Variants in TEK observed in about 807,000 individuals in gnomAD.
TEK encodes the protein TEK receptor tyrosine kinase, also known as angiopoietin-1 receptor.
In TEK, 43 loss-of-function variants were observed where a neutral mutation model predicts 131.8. The ratio of observed to expected loss-of-function variants is 0.33; its 90% CI spans 0.26 to 0.42. The LOEUF (loss-of-function observed/expected upper bound fraction) is 0.42. Among genes scored for constraint, TEK ranks in the 10% least tolerant of loss-of-function variants. The pLI, the probability that TEK is intolerant of heterozygous loss-of-function variation, is 1.00. For synonymous variants in TEK, 580 were observed against 491.6 expected (o/e 1.18, Z -2.38); for missense variants, 1,162 against 1,384.4 (o/e 0.84, Z 2.55).
chr9:27,173,476 C>A, intron 6 of TEK, 114 bp downstream of exon 6: 6 of 1,290,994 alleles, frequency 4.6e-6, no homozygotes, highest in Middle Eastern at 5.1e-4. Context: ...CTACCCACTA[C>A]TGGACAACAG....
chr9:27,227,483 G>A (rs950918791), intron 21 of TEK, among the ~76,000 whole-genome samples: 6 of 152,316 alleles, frequency 3.9e-5, no homozygotes, highest in Admixed American at 2.0e-4. Context: ...ATAAACAACA[G>A]AGATGTATTT....
intron 1 of TEK, among the ~76,000 whole-genome samples, chr9:27,115,069 G>A (rs921644043): frequency 1.1e-4 from 16 of 152,168 alleles, no homozygotes; most frequent in African/African-American, 3.9e-4. Context: ...ATAGGCGGAT[G>A]AATTGTAAAA....
At position 27,229,518 on chromosome 9, in the gene TEK, G is replaced by T; in HGVS notation, c.*286G>T. On this transcript the variant is annotated 3_prime_UTR_variant, in exon 23 of 23. Coordinates refer to ENST00000380036, the MANE Select transcript of TEK (RefSeq NM_000459.5). Reference sequence around the variant, plus strand: ...TTAAAAATGTGGACTTCATAGGAAGGCGTGAGTACAATTAGTATAATGCAT... The same window carrying T: ...TTAAAAATGTGGACTTCATAGGAAGTCGTGAGTACAATTAGTATAATGCAT... 2.2e-6 allele frequency: 1 copy of T among 451,344 alleles called. No individual in the cohort carries two copies. Among genetic ancestry groups the T allele is most frequent in the Non-Finnish European group, 4.1e-6 (1 of 245,762 alleles). 28.0% of individuals were successfully genotyped at this position (451,344 alleles called of 1,614,324 possible). A position where few individuals can be genotyped will look rare whatever the true frequency, so the allele number is the denominator to read the frequency against.
intron 1 of TEK, among the ~76,000 whole-genome samples, chr9:27,145,866 G>T (rs1822898574): frequency 6.6e-6 from 1 of 152,190 alleles, no homozygotes; most frequent in Admixed American, 6.5e-5. Context: ...TTAGTTGTGT[G>T]TGCCTTCCTA....
chr9:27,137,437 G>T (rs1477983835), intron 1 of TEK, among the ~76,000 whole-genome samples: 3 of 142,670 alleles, frequency 2.1e-5, no homozygotes, highest in Non-Finnish European at 4.6e-5. Context: ...TTTTAGGTTA[G>T]CTAACAGAAT....
In TEK at chr9:27,209,233, T is replaced by A; in HGVS notation, c.2686+2T>A. On this transcript the variant is annotated splice_donor_variant, in intron 16 of 22. Coordinates refer to ENST00000380036, the MANE Select transcript of TEK (RefSeq NM_000459.5). LOFTEE classifies it high-confidence loss of function. ...TCTTAGGAGCATGTGAACATCGAGG[T>A]AAGATGCTCTTTTCCTGTCTTTCCT... The A allele has an allele frequency of 6.3e-7, 1 of 1,598,644 alleles. No homozygotes were observed.
intron 1 of TEK, among the ~76,000 whole-genome samples, chr9:27,140,650 A>G (rs906347484): frequency 2.6e-5 from 4 of 152,028 alleles, no homozygotes; most frequent in African/African-American, 4.8e-5. Context: ...AAAGATATAC[A>G]TATCTTTATA....
At chr9:27,182,109 G>A (rs1419044233) in intron 7 of TEK, among the ~76,000 whole-genome samples, 1 of 152,178 alleles carries the variant, frequency 6.6e-6, no homozygotes, top group African/African-American at 2.4e-5. Flanking sequence ...TTGAACGTGG[G>A]CAGCTAACAA....
intron 7 of TEK, among the ~76,000 whole-genome samples, chr9:27,181,155 T>C (rs1334060796): frequency 2.0e-5 from 3 of 152,198 alleles, no homozygotes; most frequent in Admixed American, 2.0e-4. Context: ...CATATAATTT[T>C]TGACTCTCCA....
At chr9:27,225,496 T>C (rs1826282634) in intron 21 of TEK, among the ~76,000 whole-genome samples, 1 of 152,182 alleles carries the variant, frequency 6.6e-6, no homozygotes, top group African/African-American at 2.4e-5. Flanking sequence ...GGGAAAGGAT[T>C]CCCTATTTAA....
intron 1 of TEK, among the ~76,000 whole-genome samples, chr9:27,156,208 T>C (rs370419852): frequency 6.6e-6 from 1 of 152,260 alleles, no homozygotes; most frequent in East Asian, 1.9e-4. Flanking sequence ...ATCCATCCCA[T>C]TCATCCATAC....
At position 27,191,296 on chromosome 9, in the gene TEK, A is replaced by T. The variant is rs1331741387; in HGVS notation, c.1489+606A>T. ...CTCCCCTAACTTCCTGAAAGAAAAA[A>T]ATAATTGAACAAAATGTGACAAAAT... On this transcript the variant is annotated intron_variant, in intron 10 of 22. Transcript: ENST00000380036. Among the ~76,000 whole-genome samples, 3 of 152,184 alleles carry T rather than the reference A, an allele frequency of 2.0e-5. No individual in the cohort carries two copies. In the East Asian group the frequency reaches 5.8e-4, roughly 29 times the overall value.
At chr9:27,144,683 C>T (rs17756685) in intron 1 of TEK, among the ~76,000 whole-genome samples, 18,944 of 152,078 alleles carry the variant, frequency 0.12, 1,498 homozygotes, top group Middle Eastern at 0.26. Flanking sequence ...AGAAATAATT[C>T]ACATATGGCC....
intron 9 of TEK, 82 bp downstream of exon 9, chr9:27,185,711 C>T (rs1587567552): frequency 1.3e-5 from 21 of 1,556,920 alleles, no homozygotes; most frequent in East Asian, 4.6e-5. Context: ...GAAATGTATG[C>T]GACCACTAAA....
chr9:27,202,797 T>A (rs765002934), intron 12 of TEK, 23 bp from the exon 13 acceptor site: 1 of 1,610,486 alleles, frequency 6.2e-7, no homozygotes, highest in African/African-American at 1.3e-5. Flanking sequence ...CTTAAGTGAA[T>A]CTTTTTTCTT....
At chr9:27,159,837 C>A (rs1587533619) in intron 2 of TEK, among the ~76,000 whole-genome samples, 1 of 152,004 alleles carries the variant, frequency 6.6e-6, no homozygotes, top group Non-Finnish European at 1.5e-5. Context: ...GCTAAGGTGA[C>A]CTCTCTTTGT....
intron 7 of TEK, among the ~76,000 whole-genome samples, chr9:27,181,933 C>G (rs776052375): frequency 6.6e-6 from 1 of 151,910 alleles, no homozygotes; most frequent in Non-Finnish European, 1.5e-5. Context: ...TTTTGGAAAT[C>G]AGAACAAATA....
intron 1 of TEK, among the ~76,000 whole-genome samples, chr9:27,136,247 G>A (rs6475964): frequency 0.29 from 44,604 of 151,646 alleles, 7,496 homozygotes; most frequent in African/African-American, 0.45. Context: ...ACGCCCAGCT[G>A]ATGTTTGTAT....
At chr9:27,115,360 A>G (rs374944025) in intron 1 of TEK, among the ~76,000 whole-genome samples, 1 of 152,028 alleles carries the variant, frequency 6.6e-6, no homozygotes. Flanking sequence ...TTAGCCTGGC[A>G]TGGTGGCACG....
Sources: gnomAD v4.1 joint callset for allele counts (sites outside exome capture counted in the v4.1 genomes callset) on GRCh38, gnomAD v4.1.1 for gene constraint, MANE v1.5 for transcripts, NCBI Gene and HGNC (gene_info 2026-07-23, HGNC 2026-07-21) for gene names.